The following SNED1 variants were observed in gnomAD, a reference collection of about 807,000 sequenced individuals.
SNED1 encodes sushi, nidogen and EGF like domains 1, also known as sushi, nidogen and EGF-like domain-containing protein 1.
A neutral mutation model predicts 166.7 loss-of-function variants in SNED1; 81 were observed. The observed-to-expected ratio is 0.49, with a 90% CI of 0.41 to 0.58. SNED1 has a LOEUF of 0.58. Ranked by LOEUF, SNED1 falls within the 20% of genes least tolerant of loss-of-function variation. The pLI is 0.00. For synonymous variants in SNED1, 762 were observed against 822.0 expected (o/e 0.93, Z 1.25); for missense variants, 1,604 against 2,000.2 (o/e 0.80, Z 3.78).
Position 241,073,201 on chromosome 2 carries a change from T to G in SNED1, c.3818-65T>G. The G allele has an allele frequency of 1.7e-6, 2 of 1,189,926 alleles. No individual in the cohort carries two copies. Among genetic ancestry groups the G allele is most frequent in the Middle Eastern group, 4.7e-4 (2 of 4,264 alleles). The allele number at this position is 1,189,926 out of a possible 1,614,324, so 73.7% of individuals were successfully genotyped here. A position where few individuals can be genotyped will look rare whatever the true frequency, so the allele number is the denominator to read the frequency against. On this transcript the variant is annotated intron_variant, in intron 26 of 31. Coordinates refer to ENST00000310397, the MANE Select transcript of SNED1 (RefSeq NM_001080437.3). The surrounding 1 kb of genome is among the most constrained non-coding windows in gnomAD (Gnocchi z 6.6). ...TGAGATATAGAAGCACTCAAAAGGG[T>G]GGCCCCAGGACCATCCCGGGTGCAA... is the stretch of plus-strand genomic sequence containing the variant.
intron 1 of SNED1, among the ~76,000 whole-genome samples, chr2:241,028,230 T>C (rs575409432): frequency 4.9e-4 from 74 of 152,340 alleles, no homozygotes; most frequent in Admixed American, 2.4e-3. Flanking sequence ...GTTATTTTGT[T>C]TTCAGGCTGC....
intron 1 of SNED1, among the ~76,000 whole-genome samples, chr2:241,026,337 T>A (rs1296800761): frequency 6.6e-6 from 1 of 152,192 alleles, no homozygotes; most frequent in Non-Finnish European, 1.5e-5. Context: ...TTCTAGCTAG[T>A]GAATCAGTGG....
In SNED1 at chr2:241,064,837, C is replaced by T. The variant is rs2062374012; in HGVS notation, c.2600-7C>T. 3 of 1,575,472 alleles carry T rather than the reference C, an allele frequency of 1.9e-6. No homozygotes were observed. Among genetic ancestry groups the T allele is most frequent in the Non-Finnish European group, 2.6e-6 (3 of 1,166,198 alleles). On this transcript the variant is annotated splice_polypyrimidine_tract_variant and splice_region_variant and intron_variant, in intron 19 of 31. Coordinates refer to ENST00000310397, the MANE Select transcript of SNED1 (RefSeq NM_001080437.3). This position sits in a 1 kb window ranked among gnomAD's most constrained non-coding sequence, Gnocchi z 7.0. ...CCAACATACACTGCCACTTTTTCTC[C>T]CCTCAGTGAGTGACCCCTGCTTCTC...
chr2:241,045,061 A>G (rs2125064429), intron 8 of SNED1, among the ~76,000 whole-genome samples: 1 of 152,356 alleles, frequency 6.6e-6, no homozygotes, highest in African/African-American at 2.4e-5. Flanking sequence ...CATTTATAAT[A>G]GCTCCTCTCA....
rs929659744 is a variant in SNED1, at chr2:241,067,881, G to A, written c.3128G>A (p.Arg1043His). The change falls in exon 22 of 32, where the codon CGC becomes CAC. Residue 1043 changes from arginine (R) to histidine (H), a missense_variant. By Grantham distance (29) the Arg-to-His change is conservative. Transcript: ENST00000310397. ...GTCAGTGGGGTCCGTGTGTCCATCC[G>A]CCACCCTGAGGCCCTCAGGGACCAG... Reference protein sequence around the residue: ...ATVSGVRVSIRHPEALRDQAT... With the variant: ...ATVSGVRVSIHHPEALRDQAT... 23 of 1,613,356 alleles carry A rather than the reference G, an allele frequency of 1.4e-5. No homozygotes were observed. Among genetic ancestry groups the A allele is most frequent in the African/African-American group, 2.7e-5 (2 of 74,904 alleles).
intron 27 of SNED1, among the ~76,000 whole-genome samples, chr2:241,076,875 A>G (rs1025831496): frequency 5.3e-5 from 8 of 152,194 alleles, no homozygotes; most frequent in African/African-American, 1.9e-4. Flanking sequence ...GCGGATCACC[A>G]GGTCAGGAGA....
chr2:241,071,356 G>A (rs558053996), intron 24 of SNED1: 15 of 601,278 alleles, frequency 2.5e-5, no homozygotes, highest in African/African-American at 1.9e-4. Context: ...TCATGGCTGC[G>A]CATGGCTCCT....
At chr2:241,074,003 A>T (rs1478552438) in intron 27 of SNED1, 1 of 152,950 alleles carries the variant, frequency 6.5e-6, no homozygotes, top group Non-Finnish European at 1.5e-5. Flanking sequence ...GTCAGACTCT[A>T]CCTTTCTCCT....
rs1467740432 is a variant in SNED1, at chr2:241,048,777, A to AGGTCACCCTTCCTGCCCT, written c.1504+13_1504+30dup. 6.3e-7 allele frequency: 1 copy of AGGTCACCCTTCCTGCCCT among 1,592,706 alleles called. No homozygotes were observed. Among genetic ancestry groups the AGGTCACCCTTCCTGCCCT allele is most frequent in the Admixed American group, 1.7e-5 (1 of 58,506 alleles). On this transcript the variant is annotated intron_variant, in intron 10 of 31. Transcript: ENST00000310397. ...TTCTCTGTGAATTTGGTAGGTGCCC[A>AGGTCACCCTTCCTGCCCT]GGTCACCCTTCCTGCCCTGTCCCTG... is the stretch of plus-strand genomic sequence containing the variant.
chr2:241,002,313 T>TGG (rs1342596225), intron 1 of SNED1, among the ~76,000 whole-genome samples: 1 of 152,030 alleles, frequency 6.6e-6, no homozygotes, highest in Non-Finnish European at 1.5e-5. Context: ...AGCAGACATG[T>TGG]GGGGAGAAAT....
chr2:241,091,203 C>A lies in SNED1; in HGVS notation c.*2-435C>A, dbSNP rs143576242. 6.6e-6 allele frequency among the ~76,000 whole-genome samples: 1 copy of A among 152,336 alleles called. No homozygotes were observed. The highest frequency in any genetic ancestry group is 1.9e-4 in the East Asian group (1 of 5,190). The stretch of plus-strand genomic sequence containing the variant: ...CACAAAAAAGCAGGAAACAGAAACA[C>A]ACGCACCCAGACACCCATCCAAGAA... On this transcript the variant is annotated intron_variant, in intron 31 of 31. Coordinates refer to ENST00000310397, the MANE Select transcript of SNED1 (RefSeq NM_001080437.3). The surrounding 1 kb of genome is among the most constrained non-coding windows in gnomAD (Gnocchi z 4.1).
chr2:241,047,028 A>G (rs1370228615), intron 8 of SNED1, among the ~76,000 whole-genome samples: 1 of 151,796 alleles, frequency 6.6e-6, no homozygotes, highest in Non-Finnish European at 1.5e-5. Context: ...TTATAATCCC[A>G]GCTACTCGGG....
chr2:241,062,796 G>C lies in SNED1; in HGVS notation c.2263G>C (p.Asp755His). The C allele has an allele frequency of 6.2e-7, 1 of 1,607,930 alleles. No homozygotes were observed. The highest frequency in any genetic ancestry group is 8.5e-7 in the Non-Finnish European group (1 of 1,176,860). ...CTTGGGCTCTCTCCTCTCAGAAATC[G>C]ATGAGTGCCGGTCTCAGCCGTGCCT... ...WSEPPQCLEI[D>H]ECRSQPCLHG... The change falls in exon 17 of 32, where the codon GAT becomes CAT. Residue 755 changes from aspartate (D) to histidine (H), a missense_variant. Asp to His is a moderately conservative substitution (Grantham distance 81, BLOSUM62 -1). This residue lies in a region of SNED1 where 1,237 missense variants were observed against 1,620.8 expected (regional missense o/e 0.76). Transcript: ENST00000310397.
chr2:241,063,048 TC>T (rs2062293227), intron 17 of SNED1, 144 bp downstream of exon 17: 1 of 605,072 alleles, frequency 1.7e-6, no homozygotes, highest in South Asian at 2.0e-5. Flanking sequence ...AGCTCTGACA[TC>T]CAAGACAAAG....
chr2:241,017,554 T>C (rs2060634648), intron 1 of SNED1, among the ~76,000 whole-genome samples: 1 of 152,246 alleles, frequency 6.6e-6, no homozygotes, highest in Admixed American at 6.5e-5. Flanking sequence ...TATTCTCTTG[T>C]AGTTGGCAAA....
At chr2:241,036,206 T>C (rs2061364113) in intron 4 of SNED1, among the ~76,000 whole-genome samples, 1 of 151,502 alleles carries the variant, frequency 6.6e-6, no homozygotes, top group South Asian at 2.1e-4. Flanking sequence ...GGGCTGCAGG[T>C]GGTGCCGCGA....
At chr2:241,021,149 G>A (rs1345932591) in intron 1 of SNED1, among the ~76,000 whole-genome samples, 3 of 152,144 alleles carry the variant, frequency 2.0e-5, no homozygotes, top group African/African-American at 7.2e-5. Flanking sequence ...AGTAGAGAGT[G>A]TCGCAGAACT....
chr2:241,008,371 A>G (rs1042875965), intron 1 of SNED1, among the ~76,000 whole-genome samples: 4 of 152,094 alleles, frequency 2.6e-5, no homozygotes, highest in African/African-American at 9.7e-5. Flanking sequence ...CCTATTCACC[A>G]CGAAGGGGTG....
In SNED1 at chr2:241,071,625, T is replaced by G; in HGVS notation, c.3639T>G (p.Pro1213=). The G allele has an allele frequency of 6.3e-7, 1 of 1,586,484 alleles. No homozygotes were observed. Among genetic ancestry groups the G allele is most frequent in the Non-Finnish European group, 8.5e-7 (1 of 1,173,794 alleles). Residue 1213 remains proline, a synonymous_variant, in exon 25 of 32, where the codon CCT becomes CCG. Transcript: ENST00000310397. ...DRRWHQGGHH[P]RVLKNRPPPA... ...GCTGGCACCAGGGAGGACACCACCC[T>G]CGGGTGCTCAAGAACAGACCGCCCC...
Sources: gnomAD v4.1 joint callset for allele counts (sites outside exome capture counted in the v4.1 genomes callset) on GRCh38, gnomAD v4.1.1 for gene constraint, gnomAD v4.1.1 regional missense constraint, Gnocchi (gnomAD v3.1) non-coding constraint, MANE v1.5 for transcripts, NCBI Gene and HGNC (gene_info 2026-07-23, HGNC 2026-07-21) for gene names.